Variants in PLEK observed in about 807,000 individuals in gnomAD.
The protein encoded by PLEK is pleckstrin.
PLEK carries 25 observed loss-of-function variants against 43.9 expected under a neutral mutation model. That is an observed-to-expected ratio of 0.57 (90% CI 0.41 to 0.79). PLEK has a LOEUF of 0.79. PLEK is among the 30% of genes least tolerant of loss of function. PLEK has a pLI of 0.00. For missense variants in PLEK, 396 were observed against 413.3 expected (o/e 0.96, Z 0.36); for synonymous variants, 152 against 144.4 (o/e 1.05, Z -0.38).
intron 1 of PLEK, among the ~76,000 whole-genome samples, chr2:68,375,744 G>A (rs1673489917): frequency 6.6e-6 from 1 of 152,142 alleles, no homozygotes; most frequent in Non-Finnish European, 1.5e-5. Context: ...CTTGGGAACT[G>A]GATGATAATT....
chr2:68,368,601 C>T (rs774662116), intron 1 of PLEK, among the ~76,000 whole-genome samples: 1 of 152,234 alleles, frequency 6.6e-6, no homozygotes, highest in Non-Finnish European at 1.5e-5. Flanking sequence ...AAACCTCAGC[C>T]TCCTTTCCTC....
chr2:68,382,869 C>T (rs1022595088), intron 4 of PLEK, among the ~76,000 whole-genome samples: 2 of 152,102 alleles, frequency 1.3e-5, no homozygotes, highest in South Asian at 4.1e-4. Context: ...TTCAAGCTAA[C>T]GTTCCAATCA....
chr2:68,376,818 G>A (rs1286925414), intron 1 of PLEK, among the ~76,000 whole-genome samples: 1 of 151,984 alleles, frequency 6.6e-6, no homozygotes, highest in Non-Finnish European at 1.5e-5. Context: ...AATTAAGTTG[G>A]CAATAGTCAC....
intron 1 of PLEK, among the ~76,000 whole-genome samples, chr2:68,366,000 G>A (rs557558610): frequency 1.3e-3 from 205 of 152,150 alleles, no homozygotes; most frequent in African/African-American, 4.8e-3. Context: ...TTAAAGATTA[G>A]GGTACTGAAA....
In PLEK at chr2:68,381,475, G is replaced by T. The variant is rs796765474; in HGVS notation, c.380+571G>T. The stretch of plus-strand genomic sequence containing the variant: ...TAGCTCCTGACAGAGGTTGGGAATG[G>T]GATTTCTTCCTTCCTGAGTATCTCA... On this transcript the variant is annotated intron_variant, in intron 3 of 8. Transcript: ENST00000234313. Among the ~76,000 whole-genome samples the T allele has an allele frequency of 3.2e-4, 49 of 152,256 alleles. 1 individual carries two copies. Among genetic ancestry groups the T allele is most frequent in the African/African-American group, 1.1e-3 (47 of 41,538 alleles).
At chr2:68,373,630 C>T (rs1056124548) in intron 1 of PLEK, among the ~76,000 whole-genome samples, 1 of 151,678 alleles carries the variant, frequency 6.6e-6, no homozygotes, top group African/African-American at 2.4e-5. Flanking sequence ...GGACAGTTGG[C>T]TCCAGAGGCT....
At chr2:68,380,283 T>A in intron 1 of PLEK, 45 bp from the exon 2 acceptor site, 2 of 1,517,976 alleles carry the variant, frequency 1.3e-6, no homozygotes, top group Non-Finnish European at 1.8e-6. Flanking sequence ...AAATACAGTT[T>A]GCAAAGAGCC....
intron 6 of PLEK, among the ~76,000 whole-genome samples, chr2:68,390,934 G>T (rs1440062278): frequency 6.6e-6 from 1 of 152,140 alleles, no homozygotes. Flanking sequence ...TAAAGCATCT[G>T]CTTGTTTAAT....
chr2:68,395,464 C>T (rs1288832200), intron 8 of PLEK, among the ~76,000 whole-genome samples: 2 of 151,984 alleles, frequency 1.3e-5, no homozygotes, highest in Non-Finnish European at 2.9e-5. Context: ...TATATATATA[C>T]ACACAGTCAT....
intron 4 of PLEK, among the ~76,000 whole-genome samples, chr2:68,385,368 G>T (rs1420909920): frequency 1.3e-5 from 2 of 152,148 alleles, no homozygotes; most frequent in African/African-American, 4.8e-5. Context: ...TTGACCAGAA[G>T]ATTGCTTAAA....
At chr2:68,372,259 C>T (rs1673423630) in intron 1 of PLEK, among the ~76,000 whole-genome samples, 1 of 151,732 alleles carries the variant, frequency 6.6e-6, no homozygotes, top group Non-Finnish European at 1.5e-5. Context: ...CTGCAATCTC[C>T]ACCTCTTGGG....
chr2:68,367,153 T>C (rs1673291824), intron 1 of PLEK, among the ~76,000 whole-genome samples: 1 of 152,230 alleles, frequency 6.6e-6, no homozygotes, highest in South Asian at 2.1e-4. Flanking sequence ...TTACAATTTA[T>C]ATCTTCCATA....
intron 4 of PLEK, among the ~76,000 whole-genome samples, chr2:68,384,176 TC>T (rs1398049828): frequency 2.0e-5 from 1 of 49,726 alleles, no homozygotes; most frequent in Non-Finnish European, 4.6e-5. Context: ...CTTCTCCTTC[TC>T]CTTCTCCTTC....
At position 68,395,862 on chromosome 2, in the gene PLEK, C is replaced by G; in HGVS notation, c.*46C>G. On this transcript the variant is annotated 3_prime_UTR_variant, in exon 9 of 9. Coordinates refer to ENST00000234313, the MANE Select transcript of PLEK (RefSeq NM_002664.3). ...TCCCCTCCTGAGGGAAGCCCATGGACAAGCTCAGTCCAGGACCTGTCCACT... is the reference window on the plus strand; with the variant it reads ...TCCCCTCCTGAGGGAAGCCCATGGAGAAGCTCAGTCCAGGACCTGTCCACT... 1.3e-6 allele frequency: 2 copies of G among 1,554,110 alleles called. No homozygotes were observed. The highest frequency in any genetic ancestry group is 2.2e-5 in the East Asian group (1 of 44,514).
chr2:68,371,671 T>C (rs1009710477), intron 1 of PLEK, among the ~76,000 whole-genome samples: 2 of 152,214 alleles, frequency 1.3e-5, no homozygotes, highest in African/African-American at 4.8e-5. Flanking sequence ...GAGTTGGGAT[T>C]TGAGCCTGAG....
intron 1 of PLEK, among the ~76,000 whole-genome samples, chr2:68,368,326 C>T (rs1033109392): frequency 3.3e-5 from 5 of 152,242 alleles, no homozygotes; most frequent in Non-Finnish European, 7.3e-5. Flanking sequence ...AACATGACTT[C>T]ATTTAATCCT....
At chr2:68,395,564 T>C in intron 8 of PLEK, 116 bp from the exon 9 acceptor site, 1 of 1,042,898 alleles carries the variant, frequency 9.6e-7, no homozygotes, top group Non-Finnish European at 1.5e-6. Context: ...GAAAGCCACA[T>C]AGTCAATTTC....
chr2:68,367,651 C>T (rs967509462), intron 1 of PLEK, among the ~76,000 whole-genome samples: 11 of 152,162 alleles, frequency 7.2e-5, no homozygotes, highest in South Asian at 2.1e-4. Flanking sequence ...TGTACATAAG[C>T]TGCATAAGAC....
intron 3 of PLEK, among the ~76,000 whole-genome samples, chr2:68,382,289 A>C (rs1673638735): frequency 6.6e-6 from 1 of 152,222 alleles, no homozygotes; most frequent in Non-Finnish European, 1.5e-5. Flanking sequence ...GAATGAATTT[A>C]AGAGAATTTA....
Sources: gnomAD v4.1 joint callset for allele counts (sites outside exome capture counted in the v4.1 genomes callset) on GRCh38, gnomAD v4.1.1 for gene constraint, MANE v1.5 for transcripts, NCBI Gene and HGNC (gene_info 2026-07-23, HGNC 2026-07-21) for gene names.